Variants in CDH13 observed in about 807,000 individuals in gnomAD.
The protein encoded by CDH13 is cadherin 13.
Under a neutral mutation model 63.8 loss-of-function variants are expected in CDH13, and 24 were observed. The ratio of observed to expected loss-of-function variants is 0.38; its 90% CI spans 0.27 to 0.53. The LOEUF (loss-of-function observed/expected upper bound fraction) is 0.53, where lower values mean the gene tolerates loss of function less well. Ranked by LOEUF, CDH13 falls within the 20% of genes least tolerant of loss-of-function variation. CDH13 has a pLI of 0.85. For missense variants in CDH13, 1,049 were observed against 903.1 expected (o/e 1.16, Z -2.07); for synonymous variants, 503 against 355.3 (o/e 1.42, Z -4.67).
At chr16:83,339,268 T>C (rs957031840) in intron 5 of CDH13, among the ~76,000 whole-genome samples, 10 of 152,206 alleles carry the variant, frequency 6.6e-5, no homozygotes, top group Non-Finnish European at 1.2e-4. Flanking sequence ...GGAGCCATCC[T>C]CTAGACAATA....
At chr16:82,744,460 A>T (rs1280414776) in intron 1 of CDH13, among the ~76,000 whole-genome samples, 2 of 152,018 alleles carry the variant, frequency 1.3e-5, no homozygotes, top group Non-Finnish European at 2.9e-5. Context: ...AAACCAGGAG[A>T]GGATTTTCTG....
At chr16:82,735,155 A>G (rs1765199376) in intron 1 of CDH13, among the ~76,000 whole-genome samples, 1 of 152,208 alleles carries the variant, frequency 6.6e-6, no homozygotes, top group South Asian at 2.1e-4. Flanking sequence ...GCCAAGGGGA[A>G]AGGCTTCAAA....
intron 2 of CDH13, among the ~76,000 whole-genome samples, chr16:82,908,350 C>T (rs1428312326): frequency 6.6e-6 from 1 of 152,082 alleles, no homozygotes. Context: ...ATGGAAATTC[C>T]TCCCATATTG....
At chr16:82,689,982 TAAAAAAAAAAAAAAAAA>T (rs71146085) in intron 1 of CDH13, among the ~76,000 whole-genome samples, 1,392 of 15,804 alleles carry the variant, frequency 0.088, 48 homozygotes, top group Non-Finnish European at 0.12. Context: ...CCATCTCTAC[TAAAAAAAAAAAAAAAAA>T]AAAAAAAAAA....
chr16:83,538,018 T>A (rs1786013629), intron 7 of CDH13, among the ~76,000 whole-genome samples: 1 of 152,214 alleles, frequency 6.6e-6, no homozygotes, highest in Non-Finnish European at 1.5e-5. Context: ...TAAAAATATG[T>A]CCTCTATAAA....
intron 4 of CDH13, among the ~76,000 whole-genome samples, chr16:83,195,669 A>G (rs1403433395): frequency 6.6e-6 from 1 of 152,122 alleles, no homozygotes; most frequent in African/African-American, 2.4e-5. Context: ...TTACAATTCG[A>G]CATGAGATTT....
At position 82,962,665 on chromosome 16, in the gene CDH13, C is replaced by T. The variant is rs147226160; in HGVS notation, c.158-69345C>T. 3.7e-3 allele frequency among the ~76,000 whole-genome samples: 558 copies of T among 152,246 alleles called. 1 individual carries two copies. Among genetic ancestry groups the T allele is most frequent in the Non-Finnish European group, 5.3e-3 (360 of 68,004 alleles). On this transcript the variant is annotated intron_variant, in intron 2 of 13. Coordinates refer to ENST00000567109, the MANE Select transcript of CDH13 (RefSeq NM_001257.5). Reference sequence around the variant, plus strand: ...GAACCCCTGGCCAGGGCAGGGAAGTCATGAAGGCCAAGCAACACATCCAGT... The same window carrying T: ...GAACCCCTGGCCAGGGCAGGGAAGTTATGAAGGCCAAGCAACACATCCAGT...
chr16:82,870,634 A>G (rs114905800), intron 2 of CDH13, among the ~76,000 whole-genome samples: 1,571 of 152,276 alleles, frequency 0.01, 29 homozygotes, highest in African/African-American at 0.035. Flanking sequence ...CAATAAGATG[A>G]AATTGGAATG....
At chr16:83,695,428 G>A (rs766508982) in intron 10 of CDH13, among the ~76,000 whole-genome samples, 2 of 152,190 alleles carry the variant, frequency 1.3e-5, no homozygotes, top group African/African-American at 4.8e-5. Flanking sequence ...ATCAAGAGTA[G>A]AAATGAGTTC....
chr16:83,191,587 A>T (rs1597491469), intron 4 of CDH13, among the ~76,000 whole-genome samples: 1 of 145,370 alleles, frequency 6.9e-6, no homozygotes, highest in Non-Finnish European at 1.5e-5. Context: ...AGGGGAGTTT[A>T]TTAAATAGTA....
intron 1 of CDH13, among the ~76,000 whole-genome samples, chr16:82,748,816 A>G (rs900789702): frequency 6.6e-6 from 1 of 152,162 alleles, no homozygotes; most frequent in African/African-American, 2.4e-5. Flanking sequence ...TCTGTTTCCC[A>G]GCATCTTTTC....
intron 5 of CDH13, among the ~76,000 whole-genome samples, chr16:83,253,438 C>G (rs537727931): frequency 7.5e-4 from 114 of 152,306 alleles, no homozygotes; most frequent in Non-Finnish European, 1.2e-4. Context: ...CAGCCAGTGT[C>G]CAAGGCAAAA....
At chr16:83,297,159 A>T (rs571793622) in intron 5 of CDH13, among the ~76,000 whole-genome samples, 1 of 152,276 alleles carries the variant, frequency 6.6e-6, no homozygotes, top group East Asian at 1.9e-4. Context: ...CTGGTGTTCT[A>T]TTGCATAATA....
chr16:83,775,324 G>C (rs1324854950), intron 11 of CDH13, among the ~76,000 whole-genome samples: 1 of 151,702 alleles, frequency 6.6e-6, no homozygotes, highest in Admixed American at 6.7e-5. Flanking sequence ...CTGGAGGCAG[G>C]GGCCATGACC....
intron 6 of CDH13, among the ~76,000 whole-genome samples, chr16:83,485,638 A>G (rs1174371212): frequency 6.6e-6 from 1 of 152,074 alleles, no homozygotes; most frequent in East Asian, 1.9e-4. Flanking sequence ...GGTCCTCATC[A>G]GACACCTTTG....
At chr16:83,339,402 C>T (rs2090672710) in intron 5 of CDH13, among the ~76,000 whole-genome samples, 4 of 151,826 alleles carry the variant, frequency 2.6e-5, no homozygotes, top group Admixed American at 6.6e-5. Context: ...ATAGTTTTGC[C>T]CTCTCTAGGA....
chr16:82,664,008 G>A (rs915436600), intron 1 of CDH13, among the ~76,000 whole-genome samples: 1 of 152,176 alleles, frequency 6.6e-6, no homozygotes, highest in African/African-American at 2.4e-5. Context: ...TTCTGCCTTT[G>A]TAGCTGTGGA....
chr16:82,921,284 C>A lies in CDH13; in HGVS notation c.157+62811C>A, dbSNP rs190640309. 8.5e-5 allele frequency among the ~76,000 whole-genome samples: 13 copies of A among 152,282 alleles called. No individual in the cohort carries two copies. In the East Asian group the frequency reaches 2.5e-3, roughly 29 times the overall value. ...GAGCTACACTCTCTCCAGAAGCTCTCGGGGAGCTTCATTTCTTGCTTCTTC... is the reference window on the plus strand; with the variant it reads ...GAGCTACACTCTCTCCAGAAGCTCTAGGGGAGCTTCATTTCTTGCTTCTTC... On this transcript the variant is annotated intron_variant, in intron 2 of 13. Coordinates refer to ENST00000567109, the MANE Select transcript of CDH13 (RefSeq NM_001257.5).
chr16:83,515,876 A>C (rs1023800854), intron 7 of CDH13, among the ~76,000 whole-genome samples: 3 of 152,198 alleles, frequency 2.0e-5, no homozygotes, highest in Non-Finnish European at 4.4e-5. Context: ...TATATTTATA[A>C]ATTTAATCTT....
Sources: gnomAD v4.1 joint callset for allele counts (sites outside exome capture counted in the v4.1 genomes callset) on GRCh38, gnomAD v4.1.1 for gene constraint, MANE v1.5 for transcripts, NCBI Gene and HGNC (gene_info 2026-07-23, HGNC 2026-07-21) for gene names.